The following PARP3 variants were observed in gnomAD, a reference collection of about 807,000 sequenced individuals.
PARP3 encodes the protein protein mono-ADP-ribosyltransferase PARP3.
Under a neutral mutation model 58.2 loss-of-function variants are expected in PARP3, and 46 were observed. The observed-to-expected ratio is 0.79, with a 90% CI of 0.62 to 1.01. The LOEUF (loss-of-function observed/expected upper bound fraction) is 1.01. Ranked by LOEUF, PARP3 falls within the 50% of genes least tolerant of loss-of-function variation. The pLI, the probability that PARP3 is intolerant of heterozygous loss-of-function variation, is 0.00. For missense variants in PARP3, 663 were observed against 683.9 expected (o/e 0.97, Z 0.34); for synonymous variants, 252 against 266.4 (o/e 0.95, Z 0.53).
Position 51,945,088 on chromosome 3 carries a change from G to A in PARP3, c.725G>A (p.Gly242Asp), listed in dbSNP as rs1423643511. 9 of 1,614,040 alleles carry A rather than the reference G, an allele frequency of 5.6e-6. No homozygotes were observed. In the African/African-American group the frequency reaches 1.1e-4, roughly 19 times the overall value. The change falls in exon 6 of 11, where the codon GGC becomes GAC. Residue 242 changes from glycine to aspartate, a missense_variant. By Grantham distance (94) the Gly-to-Asp change is moderately conservative. Coordinates refer to ENST00000398755, the MANE Select transcript of PARP3 (RefSeq NM_001003931.4). ...ALEALEEALK[G>D]PTDGGQSLEE... ...GAGGCGCTGGAGGAGGCCCTGAAAG[G>A]CCCCACGGATGGTGGCCAAAGCCTG...
chr3:51,943,451 C>T lies in PARP3; in HGVS notation c.96C>T (p.Thr32=), dbSNP rs779007234. The T allele has an allele frequency of 5.0e-6, 8 of 1,608,642 alleles. No individual in the cohort carries two copies. The highest frequency in any genetic ancestry group is 1.1e-5 in the South Asian group (1 of 90,060). ...AGREEDPFRS[T]AEALKAIPAE... is the part of the protein sequence containing the mutation. ...GGGAGGAGGACCCCTTCCGCTCCAC[C>T]GCTGAGGCCCTCAAGGCCATACCCG... The change falls in exon 2 of 11, where the codon ACC becomes ACT. Residue 32 remains threonine, a synonymous_variant. Transcript: ENST00000398755.
chr3:51,944,954 G>A lies in PARP3; in HGVS notation c.634+44G>A, dbSNP rs1699636904. On this transcript the variant is annotated intron_variant, in intron 5 of 10. Transcript: ENST00000398755. This position sits in a 1 kb window ranked among gnomAD's most constrained non-coding sequence, Gnocchi z 4.2. The stretch of plus-strand genomic sequence containing the variant: ...GCAGGGTGGCAGGGGCCTCAGGGTG[G>A]CAGGGCTGTGGGGCTGAGTCTCCCC... 1 of 1,612,676 alleles carries A rather than the reference G, an allele frequency of 6.2e-7. No homozygotes were observed. Among genetic ancestry groups the A allele is most frequent in the South Asian group, 1.1e-5 (1 of 91,058 alleles).
In PARP3 at chr3:51,945,563, G is replaced by A. The variant is rs1699657085; in HGVS notation, c.930G>A (p.Glu310=). The A allele has an allele frequency of 3.7e-6, 6 of 1,613,896 alleles. No individual in the cohort carries two copies. The highest frequency in any genetic ancestry group is 5.1e-6 in the Non-Finnish European group (6 of 1,180,004). ...AVSEQEKTVE[E]VPHPLDRDYQ... ...CTGAGCAGGAGAAGACGGTGGAGGA[G>A]GTGCCACACCCCCTGGACCGAGACT... is the stretch of plus-strand genomic sequence containing the variant. Residue 310 remains glutamate, a synonymous_variant, in exon 7 of 11, where the codon GAG becomes GAA. Transcript: ENST00000398755.
intron 1 of PARP3, 66 bp from the exon 2 acceptor site, chr3:51,943,288 T>C: frequency 6.9e-7 from 1 of 1,440,150 alleles, no homozygotes; most frequent in Non-Finnish European, 9.3e-7. Flanking sequence ...GGGTGGGGAC[T>C]GAGAGTGGGT....
rs759501034 is a variant in PARP3 at position 51,948,283 on chromosome 3, C to T, written c.1433-28C>T. On this transcript the variant is annotated intron_variant, in intron 10 of 10. Transcript: ENST00000398755. ...AGGCCTGGGACCAGTGACCCCTGGGCCACCCTGGCCCTTGCTGTGCCCTGC... is the reference window on the plus strand; with the variant it reads ...AGGCCTGGGACCAGTGACCCCTGGGTCACCCTGGCCCTTGCTGTGCCCTGC... The T allele has an allele frequency of 2.5e-6, 4 of 1,599,454 alleles. 1 individual carries two copies. In the South Asian group the frequency reaches 4.5e-5, roughly 18 times the overall value.
Position 51,945,031 on chromosome 3 carries a change from A to T in PARP3, c.668A>T (p.Lys223Met). 1.9e-6 allele frequency: 3 copies of T among 1,614,076 alleles called. No homozygotes were observed. The highest frequency in any genetic ancestry group is 2.5e-6 in the Non-Finnish European group (3 of 1,180,028). ...VKKMPLGKLSKQQIARGFEAL... is the reference protein window; with the variant it reads ...VKKMPLGKLSMQQIARGFEAL... ...AAGATGCCCCTGGGAAAGCTGAGCAAGCAACAGATTGCACGGGGTTTCGAG... is the reference window on the plus strand; with the variant it reads ...AAGATGCCCCTGGGAAAGCTGAGCATGCAACAGATTGCACGGGGTTTCGAG... Residue 223 changes from lysine (K) to methionine (M), a missense_variant, in exon 6 of 11, where the codon AAG becomes ATG. Transcript: ENST00000398755.
In PARP3 at chr3:51,945,011, G is replaced by A. The variant is rs761144798; in HGVS notation, c.648G>A (p.Met216Ile). 1.3e-5 allele frequency: 21 copies of A among 1,613,970 alleles called. No homozygotes were observed. The East Asian group carries it at 2.0e-4, about 15-fold the overall frequency. ...CTGTCCCCCTAGATGTGAAGAAGATGCCCCTGGGAAAGCTGAGCAAGCAAC... is the reference window on the plus strand; with the variant it reads ...CTGTCCCCCTAGATGTGAAGAAGATACCCCTGGGAAAGCTGAGCAAGCAAC... Reference protein sequence around the residue: ...MALMDLDVKKMPLGKLSKQQI... With the variant: ...MALMDLDVKKIPLGKLSKQQI... The change falls in exon 6 of 11, where the codon ATG (methionine) becomes ATA (isoleucine). Residue 216 changes from methionine to isoleucine, a missense_variant. Around this residue, in one of 3 missense-constraint regions of PARP3, gnomAD observed 567 missense variants for 553.6 expected, o/e 1.02. Transcript: ENST00000398755.
At chr3:51,943,970 A>T in intron 2 of PARP3, 119 bp from the exon 3 acceptor site, 1 of 887,736 alleles carries the variant, frequency 1.1e-6, no homozygotes, top group Non-Finnish European at 1.7e-6. Context: ...CTTCCAAGAC[A>T]GGGTCCCTCT....
Position 51,946,250 on chromosome 3 carries a change from C to T in PARP3, c.1183C>T (p.Leu395Phe), listed in dbSNP as rs199520803. 5.6e-5 allele frequency: 90 copies of T among 1,614,062 alleles called. No homozygotes were observed. In the African/African-American group the frequency reaches 6.4e-4, roughly 11 times the overall value. The change falls in exon 9 of 11, where the codon CTC becomes TTC. Residue 395 changes from leucine (L) to phenylalanine (F), a missense_variant. This residue lies in a region of PARP3 where 567 missense variants were observed against 553.6 expected (regional missense o/e 1.02). Transcript: ENST00000398755. The surrounding 1 kb of genome is among the most constrained non-coding windows in gnomAD (Gnocchi z 4.6). ...CAACATGGCCGTGGTGGCCGCCATC[C>T]TCACTAGTGGGCTCCGCATCATGCC... The part of the protein sequence containing the change: ...GTNMAVVAAI[L>F]TSGLRIMPHS...
In PARP3 at chr3:51,945,488, A is replaced by T. The variant is rs767836704; in HGVS notation, c.862-7A>T. On this transcript the variant is annotated splice_polypyrimidine_tract_variant and splice_region_variant and intron_variant, in intron 6 of 10. Transcript: ENST00000398755. ...GGAAGACAAACTGCCAGGGCCCATCATCCTAGGTGCTGGCGGACATCGAGC... is the reference window on the plus strand; with the variant it reads ...GGAAGACAAACTGCCAGGGCCCATCTTCCTAGGTGCTGGCGGACATCGAGC... 2 of 1,612,526 alleles carry T rather than the reference A, an allele frequency of 1.2e-6. No homozygotes were observed. Among genetic ancestry groups the T allele is most frequent in the African/African-American group, 1.3e-5 (1 of 74,900 alleles).
rs1699664562 is a variant in PARP3, at chr3:51,945,875, A to C, written c.1034A>C (p.Gln345Pro). ...EYKVIQTYLE[Q>P]TGSNHRCPTL... ...CAGGTGATACAGACCTACTTAGAAC[A>C]GACTGGCAGCAACCACAGGTGCCCT... Residue 345 changes from glutamine to proline, a missense_variant, in exon 8 of 11, where the codon CAG becomes CCG. Around this residue, in one of 3 missense-constraint regions of PARP3, gnomAD observed 567 missense variants for 553.6 expected, o/e 1.02. Transcript: ENST00000398755. 6.2e-7 allele frequency: 1 copy of C among 1,613,920 alleles called. No individual in the cohort carries two copies. Among genetic ancestry groups the C allele is most frequent in the African/African-American group, 1.3e-5 (1 of 74,858 alleles).
Position 51,946,950 on chromosome 3 carries a change from G to C in PARP3, c.1276+607G>C, listed in dbSNP as rs1378237814. On this transcript the variant is annotated intron_variant, in intron 9 of 10. Transcript: ENST00000398755. The surrounding 1 kb of genome is among the most constrained non-coding windows in gnomAD (Gnocchi z 4.6). ...TATCCAGAGAGTGATGGTTAGCCCA[G>C]CTGGACTTGTCTGTAGCAGGATCCC... Among the ~76,000 whole-genome samples, 3 of 152,360 alleles carry C rather than the reference G, an allele frequency of 2.0e-5. No individual in the cohort carries two copies. Among genetic ancestry groups the C allele is most frequent in the African/African-American group, 7.2e-5 (3 of 41,588 alleles).
At chr3:51,943,069 C>T in intron 1 of PARP3, 1 of 1,358,850 alleles carries the variant, frequency 7.4e-7, no homozygotes, top group East Asian at 2.7e-5. Flanking sequence ...GGGTAGGGAG[C>T]CAGGCAGACC....
chr3:51,945,492 T>C lies in PARP3; in HGVS notation c.862-3T>C. ...GACAAACTGCCAGGGCCCATCATCC[T>C]AGGTGCTGGCGGACATCGAGCTGGC... On this transcript the variant is annotated splice_polypyrimidine_tract_variant and splice_region_variant and intron_variant, in intron 6 of 10. Coordinates refer to ENST00000398755, the MANE Select transcript of PARP3 (RefSeq NM_001003931.4). 6.2e-7 allele frequency: 1 copy of C among 1,613,176 alleles called. No individual in the cohort carries two copies. The highest frequency in any genetic ancestry group is 8.5e-7 in the Non-Finnish European group (1 of 1,179,570).
chr3:51,944,882 C>T lies in PARP3; in HGVS notation c.606C>T (p.Phe202=). The T allele has an allele frequency of 1.2e-6, 2 of 1,613,952 alleles. No individual in the cohort carries two copies. Among genetic ancestry groups the T allele is most frequent in the Non-Finnish European group, 1.7e-6 (2 of 1,180,038 alleles). ...LITNIFSKEM[F]KNTMALMDLD... is the part of the protein sequence containing the mutation. ...CTAACATCTTCAGCAAGGAGATGTT[C>T]AAGAACACCATGGCCCTCATGGACC... Residue 202 remains phenylalanine, a synonymous_variant, in exon 5 of 11, where the codon TTC becomes TTT. Transcript: ENST00000398755. The surrounding 1 kb of genome is among the most constrained non-coding windows in gnomAD (Gnocchi z 4.2).
In PARP3 at chr3:51,945,898, CCT is replaced by C; in HGVS notation, c.1058_1059del (p.Pro353HisfsTer25). ...ACAGACTGGCAGCAACCACAGGTGC[CCT>C]ACACTTCAACACATCTGGAAAGTAA... ...LEQTGSNHRCPTLQHIWKVNQ... is the reference protein window; with the variant it reads ...LEQTGSNHRCXTLQHIWKVNQ... On this transcript the variant is annotated frameshift_variant, in exon 8 of 11. Coordinates refer to ENST00000398755, the MANE Select transcript of PARP3 (RefSeq NM_001003931.4). LOFTEE classifies it high-confidence loss of function. 6.2e-7 allele frequency: 1 copy of C among 1,614,050 alleles called. No individual in the cohort carries two copies. The highest frequency in any genetic ancestry group is 8.5e-7 in the Non-Finnish European group (1 of 1,179,980).
In PARP3 at chr3:51,943,336, C is replaced by A; in HGVS notation, c.-2-18C>A. 1 of 1,550,778 alleles carries A rather than the reference C, an allele frequency of 6.4e-7. No individual in the cohort carries two copies. The highest frequency in any genetic ancestry group is 1.2e-5 in the South Asian group (1 of 84,450). ...GGAGACCATGGAGGCCTAAGGGCCT[C>A]TCTGTGCCCCAGGACAGCCATGGCT... is the stretch of plus-strand genomic sequence containing the variant. On this transcript the variant is annotated intron_variant, in intron 1 of 10. Transcript: ENST00000398755.
chr3:51,945,159 G>C lies in PARP3; in HGVS notation c.796G>C (p.Gly266Arg). 3.7e-6 allele frequency: 6 copies of C among 1,614,020 alleles called. No individual in the cohort carries two copies. The highest frequency in any genetic ancestry group is 1.3e-5 in the African/African-American group (1 of 75,046). ...HFYTVIPHNF[G>R]HSQPPPINSP... ...TTACACCGTCATCCCGCACAACTTC[G>C]GCCACAGCCAGCCCCCGCCCATCAA... The change falls in exon 6 of 11, where the codon GGC becomes CGC. Residue 266 changes from glycine to arginine, a missense_variant. Physicochemically the swap from Gly to Arg is moderately radical, Grantham distance 125. Coordinates refer to ENST00000398755, the MANE Select transcript of PARP3 (RefSeq NM_001003931.4).
chr3:51,943,117 C>T, intron 1 of PARP3: 11 of 1,136,532 alleles, frequency 9.7e-6, no homozygotes, highest in Non-Finnish European at 1.2e-5. Flanking sequence ...AGAGTCCTAA[C>T]CTTGCACTTG....
Sources: allele counts gnomAD v4.1 joint callset (sites outside exome capture counted in the v4.1 genomes callset), GRCh38; gene constraint gnomAD v4.1.1; regional missense constraint gnomAD v4.1.1; non-coding constraint Gnocchi (gnomAD v3.1); transcripts MANE v1.5; gene names NCBI Gene and HGNC (gene_info 2026-07-23, HGNC 2026-07-21).